FAM169A: variants seen among roughly 807,000 people sequenced by gnomAD.
The protein encoded by FAM169A is family with sequence similarity 169 member A, also known as soluble lamin-associated protein of 75 kDa.
Under a neutral mutation model 75.7 loss-of-function variants are expected in FAM169A, and 24 were observed. The observed-to-expected ratio is 0.32, with a 90% CI of 0.23 to 0.45. The LOEUF (loss-of-function observed/expected upper bound fraction) is 0.45. FAM169A is among the 20% of genes least tolerant of loss of function. The pLI, the probability that FAM169A is intolerant of heterozygous loss-of-function variation, is 1.00. For synonymous variants in FAM169A, 271 were observed against 271.0 expected, an observed-to-expected ratio of 1.00 and a Z score of 0.00; for missense variants, 673 against 784.0, an observed-to-expected ratio of 0.86 and a Z score of 1.69.
intron 5 of FAM169A, among the ~76,000 whole-genome samples, chr5:74,815,701 G>C (rs1250853416): frequency 6.6e-6 from 1 of 152,170 alleles, no homozygotes; most frequent in Non-Finnish European, 1.5e-5. Context: ...GTTGGCACAA[G>C]ATGCAGGTCA....
intron 11 of FAM169A, among the ~76,000 whole-genome samples, chr5:74,790,404 G>T (rs1455044034): frequency 1.3e-5 from 2 of 152,214 alleles, no homozygotes; most frequent in African/African-American, 2.4e-5. Flanking sequence ...TGATAATACT[G>T]ATTCATGGAC....
At chr5:74,861,033 G>T (rs535332386) in intron 1 of FAM169A, among the ~76,000 whole-genome samples, 2 of 152,050 alleles carry the variant, frequency 1.3e-5, no homozygotes, top group Admixed American at 1.3e-4. Context: ...GCTACTCAGG[G>T]GGCTGAGACA....
At chr5:74,843,483 A>C (rs1748990824) in intron 1 of FAM169A, among the ~76,000 whole-genome samples, 2 of 152,236 alleles carry the variant, frequency 1.3e-5, no homozygotes, top group Admixed American at 6.5e-5. Context: ...CAGGCATGTG[A>C]ATCAACAAAT....
At chr5:74,832,293 C>G (rs991602480) in intron 5 of FAM169A, among the ~76,000 whole-genome samples, 1 of 151,526 alleles carries the variant, frequency 6.6e-6, no homozygotes. Flanking sequence ...TCTACCTAAC[C>G]CAAAAAACAA....
At chr5:74,817,854 C>T (rs1330790790) in intron 5 of FAM169A, among the ~76,000 whole-genome samples, 1 of 152,126 alleles carries the variant, frequency 6.6e-6, no homozygotes, top group Middle Eastern at 3.4e-3. Flanking sequence ...AATAAACTTT[C>T]GTATTTATGG....
chr5:74,812,625 A>G (rs1277715992), intron 6 of FAM169A, among the ~76,000 whole-genome samples: 1 of 152,080 alleles, frequency 6.6e-6, no homozygotes, highest in Non-Finnish European at 1.5e-5. Context: ...GTTAATTTTA[A>G]AAGCTACCAT....
At chr5:74,782,072 G>T in intron 12 of FAM169A, 64 bp from the exon 13 acceptor site, 2 of 1,234,798 alleles carry the variant, frequency 1.6e-6, no homozygotes, top group East Asian at 4.7e-5. Context: ...AAATTCTCAG[G>T]CTCTAATATG....
chr5:74,788,349 G>T, intron 11 of FAM169A, among the ~76,000 whole-genome samples: 1 of 152,132 alleles, frequency 6.6e-6, no homozygotes, highest in East Asian at 1.9e-4. Flanking sequence ...TGACTGGTGG[G>T]GTGAGGGCTA....
At chr5:74,849,479 T>C (rs113419381) in intron 1 of FAM169A, among the ~76,000 whole-genome samples, 2,337 of 152,246 alleles carry the variant, frequency 0.015, 31 homozygotes, top group Non-Finnish European at 0.023. Flanking sequence ...ATGTACACTA[T>C]AGAGCTGAAA....
intron 6 of FAM169A, among the ~76,000 whole-genome samples, chr5:74,812,219 G>C (rs1747232428): frequency 6.6e-6 from 1 of 152,014 alleles, no homozygotes; most frequent in African/African-American, 2.4e-5. Context: ...GACCTCCTGG[G>C]CTCAAGCAAT....
At chr5:74,830,110 A>G (rs1364325809) in intron 5 of FAM169A, among the ~76,000 whole-genome samples, 2 of 152,370 alleles carry the variant, frequency 1.3e-5, no homozygotes, top group Non-Finnish European at 2.9e-5. Context: ...AGGAAAAAGT[A>G]AACAGCACAA....
At chr5:74,813,295 G>A (rs1747303240) in intron 6 of FAM169A, among the ~76,000 whole-genome samples, 1 of 151,872 alleles carries the variant, frequency 6.6e-6, no homozygotes, top group Non-Finnish European at 1.5e-5. Context: ...TTTTAACAGG[G>A]CAAATATTAT....
At chr5:74,857,571 GGAAAAAAA>G (rs1478388340) in intron 1 of FAM169A, among the ~76,000 whole-genome samples, 7,986 of 65,396 alleles carry the variant, frequency 0.12, 356 homozygotes, top group East Asian at 0.23. Context: ...CCTTGCCGCG[GGAAAAAAA>G]AAAAAAAAAA....
At chr5:74,782,152 TCTG>T in intron 12 of FAM169A, 144 bp from the exon 13 acceptor site, 3 of 646,156 alleles carry the variant, frequency 4.6e-6, no homozygotes, top group South Asian at 4.2e-5. Context: ...GAATTTCTGT[TCTG>T]CTATATGTGT....
intron 5 of FAM169A, among the ~76,000 whole-genome samples, chr5:74,833,646 T>G (rs1010740018): frequency 1.3e-5 from 2 of 152,196 alleles, no homozygotes; most frequent in African/African-American, 2.4e-5. Context: ...GAACTAAGTT[T>G]GGAAAATCTG....
At chr5:74,831,325 G>C (rs542046676) in intron 5 of FAM169A, among the ~76,000 whole-genome samples, 14 of 152,228 alleles carry the variant, frequency 9.2e-5, no homozygotes, top group African/African-American at 3.1e-4. Context: ...TTGTACAGTA[G>C]ACTAAATAGC....
intron 11 of FAM169A, among the ~76,000 whole-genome samples, chr5:74,795,332 G>A (rs917441495): frequency 6.6e-6 from 1 of 152,088 alleles, no homozygotes; most frequent in African/African-American, 2.4e-5. Context: ...GCAAACAGCT[G>A]AAAGATTTTT....
At chr5:74,820,407 T>C (rs1366643442) in intron 5 of FAM169A, among the ~76,000 whole-genome samples, 3 of 152,218 alleles carry the variant, frequency 2.0e-5, no homozygotes, top group Non-Finnish European at 4.4e-5. Flanking sequence ...AAACCATTTA[T>C]AACCAGATTT....
At chr5:74,782,610 G>T (rs1452884040) in intron 12 of FAM169A, among the ~76,000 whole-genome samples, 1 of 152,072 alleles carries the variant, frequency 6.6e-6, no homozygotes, top group East Asian at 1.9e-4. Flanking sequence ...TACTGTTTTG[G>T]TCATAGTCTA....
Sources: allele counts gnomAD v4.1 joint callset (sites outside exome capture counted in the v4.1 genomes callset), GRCh38; gene constraint gnomAD v4.1.1; transcripts MANE v1.5; gene names NCBI Gene and HGNC (gene_info 2026-07-23, HGNC 2026-07-21).